The following GRM5 variants were observed in gnomAD, a reference collection of about 807,000 sequenced individuals.
GRM5 encodes glutamate metabotropic receptor 5, also known as metabotropic glutamate receptor 5.
GRM5 carries 19 observed loss-of-function variants against 83.1 expected under a neutral mutation model. That is an observed-to-expected ratio of 0.23 (90% confidence interval 0.16 to 0.34). GRM5 has a LOEUF of 0.34. GRM5 is among the 10% of genes least tolerant of loss of function. The pLI is 1.00. For missense variants in GRM5, 1,160 were observed against 1,588.3 expected (o/e 0.73, Z 4.58); for synonymous variants, 675 against 633.6 (o/e 1.07, Z -0.98).
At position 88,567,048 on chromosome 11, in the gene GRM5, T is replaced by A. The variant is rs754435955; in HGVS notation, c.2630+5A>T. ...AGCATCCCTGTAAGCCCCCACAACT[T>A]TTACCTTAAGGTTTCCCCAGAGGAG... On this transcript the variant is annotated splice_donor_5th_base_variant and intron_variant, in intron 8 of 9. Coordinates refer to ENST00000305447, the MANE Select transcript of GRM5 (RefSeq NM_001143831.3). The surrounding 1 kb of genome is among the most constrained non-coding windows in gnomAD (Gnocchi z 7.3). 1.3e-6 allele frequency: 2 copies of A among 1,584,382 alleles called. No individual in the cohort carries two copies. The highest frequency in any genetic ancestry group is 1.7e-6 in the Non-Finnish European group (2 of 1,160,726).
At position 88,641,800 on chromosome 11, in the gene GRM5, C is replaced by T. The variant is rs1357070509; in HGVS notation, c.1147+11368G>A. ...TCCCACGGCCTTGGGCAGCTCTGCT[C>T]CTGTGGCTTTGCAAGGTTCAACCCA... On this transcript the variant is annotated intron_variant, in intron 4 of 9. Coordinates refer to ENST00000305447, the MANE Select transcript of GRM5 (RefSeq NM_001143831.3). 5.3e-5 allele frequency among the ~76,000 whole-genome samples: 8 copies of T among 152,198 alleles called. No homozygotes were observed. In the South Asian group the frequency reaches 8.3e-4, roughly 16 times the overall value.
At chr11:89,026,277 T>C (rs1457472823) in intron 2 of GRM5, among the ~76,000 whole-genome samples, 2 of 152,110 alleles carry the variant, frequency 1.3e-5, no homozygotes, top group African/African-American at 4.8e-5. Flanking sequence ...AATTTACCCA[T>C]GTAACAAACC....
chr11:88,961,104 A>C (rs581634), intron 2 of GRM5, among the ~76,000 whole-genome samples: 135,639 of 152,128 alleles, frequency 0.89, 62,488 homozygotes, highest in Non-Finnish European at 1. Flanking sequence ...TGCTAGGGGT[A>C]CTGTGAATCT....
At position 88,650,455 on chromosome 11, in the gene GRM5, G is replaced by A. The variant is rs536254643; in HGVS notation, c.1147+2713C>T. On this transcript the variant is annotated intron_variant, in intron 4 of 9. Coordinates refer to ENST00000305447, the MANE Select transcript of GRM5 (RefSeq NM_001143831.3). The stretch of plus-strand genomic sequence containing the variant: ...AAAACATGAAAAGGAGCTTAACTTT[G>A]AAATACATCATGAAAAAGCCAATTG... Among the ~76,000 whole-genome samples the A allele has an allele frequency of 3.6e-3, 543 of 151,982 alleles. 1 individual carries two copies. Among genetic ancestry groups the A allele is most frequent in the Middle Eastern group, 0.01 (3 of 294 alleles).
chr11:89,058,274 T>C (rs897350599), intron 1 of GRM5, among the ~76,000 whole-genome samples: 12 of 152,202 alleles, frequency 7.9e-5, no homozygotes, highest in African/African-American at 2.7e-4. Flanking sequence ...CTGAGCACTA[T>C]TGACATTTTG....
At chr11:88,964,538 A>G (rs1395875819) in intron 2 of GRM5, among the ~76,000 whole-genome samples, 2 of 152,170 alleles carry the variant, frequency 1.3e-5, no homozygotes, top group Non-Finnish European at 1.5e-5. Flanking sequence ...AGGACAGCCA[A>G]CTGTCCACCA....
At chr11:88,766,362 T>C (rs935105534) in intron 3 of GRM5, among the ~76,000 whole-genome samples, 2 of 151,642 alleles carry the variant, frequency 1.3e-5, no homozygotes, top group African/African-American at 4.8e-5. Context: ...AACAGACAAA[T>C]AGACAAATGG....
At chr11:88,769,793 A>G (rs1222000499) in intron 3 of GRM5, among the ~76,000 whole-genome samples, 1 of 152,100 alleles carries the variant, frequency 6.6e-6, no homozygotes, top group African/African-American at 2.4e-5. Context: ...ACAATAATCA[A>G]CGATGCAAAA....
At chr11:88,660,427 A>G (rs1482075244) in intron 3 of GRM5, among the ~76,000 whole-genome samples, 1 of 152,204 alleles carries the variant, frequency 6.6e-6, no homozygotes. Context: ...GAACTCTCAA[A>G]TGGCAACATG....
intron 3 of GRM5, among the ~76,000 whole-genome samples, chr11:88,657,004 A>G (rs897073448): frequency 5.3e-5 from 8 of 152,094 alleles, no homozygotes; most frequent in African/African-American, 1.9e-4. Context: ...TGCAAATATC[A>G]AGGGACTAGG....
At chr11:88,588,296 A>G (rs1591366882) in intron 7 of GRM5, among the ~76,000 whole-genome samples, 1 of 152,198 alleles carries the variant, frequency 6.6e-6, no homozygotes, top group African/African-American at 2.4e-5. Flanking sequence ...AACTTTAAAA[A>G]TTTTTGTTGT....
At chr11:88,866,293 T>C (rs1944663670) in intron 2 of GRM5, among the ~76,000 whole-genome samples, 1 of 151,966 alleles carries the variant, frequency 6.6e-6, no homozygotes, top group Non-Finnish European at 1.5e-5. Context: ...CTCAGCAAAC[T>C]AACATAGGAA....
At chr11:88,736,884 G>T (rs1326966984) in intron 3 of GRM5, among the ~76,000 whole-genome samples, 1 of 149,848 alleles carries the variant, frequency 6.7e-6, no homozygotes, top group Non-Finnish European at 1.5e-5. Context: ...TGTTGGAAAA[G>T]GTCTGACCCC....
chr11:88,542,793 G>A (rs778511225), intron 8 of GRM5, among the ~76,000 whole-genome samples: 2 of 152,178 alleles, frequency 1.3e-5, no homozygotes, highest in Non-Finnish European at 2.9e-5. Flanking sequence ...CACCTGCCGG[G>A]CTTGGTGGCT....
chr11:88,907,929 GTAATT>G (rs1945432132), intron 2 of GRM5, among the ~76,000 whole-genome samples: 1 of 152,058 alleles, frequency 6.6e-6, no homozygotes, highest in Admixed American at 6.6e-5. Context: ...TCTGTTGTAT[GTAATT>G]TATATAATTT....
At chr11:88,712,141 C>A (rs1456696457) in intron 3 of GRM5, among the ~76,000 whole-genome samples, 1 of 152,034 alleles carries the variant, frequency 6.6e-6, no homozygotes, top group Non-Finnish European at 1.5e-5. Context: ...TCTTGTATAA[C>A]TAATTCTATA....
chr11:88,516,317 TC>T (rs1941519376), intron 9 of GRM5, among the ~76,000 whole-genome samples: 1 of 151,930 alleles, frequency 6.6e-6, no homozygotes, highest in Admixed American at 6.6e-5. Flanking sequence ...AAATCCAGAG[TC>T]ATTCCCATTG....
intron 2 of GRM5, among the ~76,000 whole-genome samples, chr11:88,947,194 T>C (rs1255527542): frequency 2.6e-5 from 4 of 152,186 alleles, no homozygotes; most frequent in African/African-American, 7.2e-5. Context: ...AGGCCTCACA[T>C]GACTTAAATA....
intron 4 of GRM5, among the ~76,000 whole-genome samples, chr11:88,641,497 G>A (rs7480764): frequency 0.89 from 134,641 of 152,116 alleles, 60,561 homozygotes; most frequent in Non-Finnish European, 0.98. Context: ...AACCCAATCA[G>A]CAGTCCCAAG....
Sources: gnomAD v4.1 joint callset for allele counts (sites outside exome capture counted in the v4.1 genomes callset) on GRCh38, gnomAD v4.1.1 for gene constraint, Gnocchi (gnomAD v3.1) non-coding constraint, MANE v1.5 for transcripts, NCBI Gene and HGNC (gene_info 2026-07-23, HGNC 2026-07-21) for gene names.